The following CLIP2 variants were observed in gnomAD, a reference collection of about 807,000 sequenced individuals.
The protein encoded by CLIP2 is CAP-Gly domain containing linker protein 2, also known as CAP-Gly domain-containing linker protein 2.
CLIP2 carries 41 observed loss-of-function variants against 111.7 expected under a neutral mutation model. The ratio of observed to expected loss-of-function variants is 0.37; its 90% confidence interval spans 0.29 to 0.48. The LOEUF (loss-of-function observed/expected upper bound fraction) is 0.48. Ranked by LOEUF, CLIP2 falls within the 20% of genes least tolerant of loss-of-function variation. The pLI is 0.99. For missense variants in CLIP2, 1,160 were observed against 1,422.1 expected (o/e 0.82, Z 2.96); for synonymous variants, 660 against 644.2 (o/e 1.02, Z -0.37).
intron 5 of CLIP2, 89 bp from the exon 6 acceptor site, chr7:74,357,191 A>T: frequency 8.4e-7 from 1 of 1,184,644 alleles, no homozygotes; most frequent in Admixed American, 1.9e-5. Context: ...CCCACCTGCT[A>T]TGTTGCTGTA....
At chr7:74,398,052 T>G (rs1554317013) in intron 14 of CLIP2, among the ~76,000 whole-genome samples, 2 of 151,694 alleles carry the variant, frequency 1.3e-5, no homozygotes, top group African/African-American at 4.8e-5. Flanking sequence ...GCTGGTAGCA[T>G]AGCACAGGAC....
At chr7:74,330,500 G>A (rs1179347431) in intron 2 of CLIP2, among the ~76,000 whole-genome samples, 1 of 151,850 alleles carries the variant, frequency 6.6e-6, no homozygotes, top group Non-Finnish European at 1.5e-5. Flanking sequence ...CAGGTGATCC[G>A]CCTGCCTTGG....
At chr7:74,386,419 G>A in intron 11 of CLIP2, 102 bp from the exon 12 acceptor site, 6 of 886,222 alleles carry the variant, frequency 6.8e-6, no homozygotes, top group Non-Finnish European at 1.0e-5. Flanking sequence ...TGGAGGCCAA[G>A]TGTGACCCCG....
chr7:74,351,216 C>T (rs886377628), intron 3 of CLIP2, among the ~76,000 whole-genome samples: 1 of 151,806 alleles, frequency 6.6e-6, no homozygotes, highest in Admixed American at 6.6e-5. Flanking sequence ...GAGGCAAGCA[C>T]TTTGGGAGGC....
chr7:74,302,882 G>T (rs1554727044), intron 1 of CLIP2, among the ~76,000 whole-genome samples: 1 of 152,226 alleles, frequency 6.6e-6, no homozygotes, highest in Non-Finnish European at 1.5e-5. Flanking sequence ...AGGCCAATGG[G>T]TGCTCTCAGG....
At chr7:74,309,927 G>A (rs1788598728) in intron 1 of CLIP2, among the ~76,000 whole-genome samples, 1 of 151,316 alleles carries the variant, frequency 6.6e-6, no homozygotes, top group African/African-American at 2.4e-5. Flanking sequence ...GGCCAGGCAT[G>A]GTGGCTCATA....
intron 3 of CLIP2, among the ~76,000 whole-genome samples, chr7:74,343,093 C>T (rs1490654060): frequency 2.7e-5 from 4 of 150,790 alleles, no homozygotes; most frequent in African/African-American, 9.8e-5. Context: ...GAGGTTGAGG[C>T]AGGAGAATTG....
chr7:74,378,307 T>C (rs1411535082), intron 10 of CLIP2, among the ~76,000 whole-genome samples: 1 of 151,380 alleles, frequency 6.6e-6, no homozygotes, highest in African/African-American at 2.4e-5. Context: ...TTTATAGTTT[T>C]TGTAGAGATG....
chr7:74,301,544 G>A (rs1554726828), intron 1 of CLIP2, among the ~76,000 whole-genome samples: 4 of 125,862 alleles, frequency 3.2e-5, no homozygotes, highest in South Asian at 5.6e-4. Context: ...CACAATGCCC[G>A]GCTAATTTTT....
intron 11 of CLIP2, 23 bp from the exon 12 acceptor site, chr7:74,386,498 C>G (rs2116681896): frequency 6.2e-7 from 1 of 1,604,126 alleles, no homozygotes; most frequent in African/African-American, 1.3e-5. Flanking sequence ...ATTGATGCTT[C>G]TCGTCTCTCC....
At chr7:74,336,891 T>G (rs1281657645) in intron 2 of CLIP2, among the ~76,000 whole-genome samples, 19 of 1,018 alleles carry the variant, frequency 0.019, no homozygotes, top group African/African-American at 0.033. Flanking sequence ...TTTTGTTTTG[T>G]TTTTTTTTTT....
At position 74,357,560 on chromosome 7, in the gene CLIP2, G is replaced by C. The variant is rs1554308750; in HGVS notation, c.1215+83G>C. The C allele has an allele frequency of 3.1e-6, 4 of 1,299,204 alleles. No individual in the cohort carries two copies. In the Admixed American group the frequency reaches 6.0e-5, roughly 20 times the overall value. 80.5% of individuals were successfully genotyped at this position (1,299,204 alleles called of 1,614,324 possible). A position where few individuals can be genotyped will look rare whatever the true frequency, so the allele number is the denominator to read the frequency against. ...CCCACTCAGAGCGGAGACCCTGGAGGGGGTGGGTGCAGAGAAATATGAAGA... is the reference window on the plus strand; with the variant it reads ...CCCACTCAGAGCGGAGACCCTGGAGCGGGTGGGTGCAGAGAAATATGAAGA... On this transcript the variant is annotated intron_variant, in intron 6 of 16. Coordinates refer to ENST00000223398, the MANE Select transcript of CLIP2 (RefSeq NM_003388.5).
intron 10 of CLIP2, among the ~76,000 whole-genome samples, chr7:74,379,329 G>GAA (rs879972818): frequency 4.3e-4 from 56 of 130,072 alleles, no homozygotes; most frequent in African/African-American, 1.4e-3. Flanking sequence ...ACTCCGTCTG[G>GAA]AAAAAAAAAA....
At chr7:74,313,989 G>C (rs1554728821) in intron 1 of CLIP2, among the ~76,000 whole-genome samples, 1 of 151,804 alleles carries the variant, frequency 6.6e-6, no homozygotes, top group Non-Finnish European at 1.5e-5. Flanking sequence ...TTGAGACCAG[G>C]CTGGCCAAGA....
intron 3 of CLIP2, among the ~76,000 whole-genome samples, chr7:74,345,858 G>C (rs980118950): frequency 1.8e-4 from 28 of 151,396 alleles, no homozygotes; most frequent in African/African-American, 6.8e-4. Flanking sequence ...AAGAAAGCAA[G>C]AGAGAGAGAG....
intron 11 of CLIP2, among the ~76,000 whole-genome samples, chr7:74,382,807 C>G (rs1376559945): frequency 6.6e-6 from 1 of 151,528 alleles, no homozygotes; most frequent in Non-Finnish European, 1.5e-5. Flanking sequence ...TATGGTGGCT[C>G]ACACTTGTAA....
At chr7:74,318,586 G>A (rs1234950780) in intron 2 of CLIP2, among the ~76,000 whole-genome samples, 9 of 152,022 alleles carry the variant, frequency 5.9e-5, no homozygotes, top group Non-Finnish European at 8.8e-5. Flanking sequence ...GGTGGCGGGC[G>A]CCTATAGTCC....
At position 74,372,893 on chromosome 7, in the gene CLIP2, GCCCCCACC is replaced by G. The variant is rs782163358; in HGVS notation, c.1381-30_1381-23del. On this transcript the variant is annotated intron_variant, in intron 8 of 16. Coordinates refer to ENST00000223398, the MANE Select transcript of CLIP2 (RefSeq NM_003388.5). ...CCTGTGCCCCCCTCCCTGCGTCCCC[GCCCCCACC>G]CCCCCACCGTGTCCACCCTGGGTGG... 2.1e-4 allele frequency: 17 copies of G among 81,910 alleles called. No homozygotes were observed. The East Asian group carries it at 5.7e-3, about 27-fold the overall frequency. The allele number at this position is 81,910 out of a possible 1,614,324, so 5.1% of individuals were successfully genotyped here.
At chr7:74,384,145 G>A (rs10156159) in intron 11 of CLIP2, among the ~76,000 whole-genome samples, 3,905 of 152,114 alleles carry the variant, frequency 0.026, 165 homozygotes, top group African/African-American at 0.087. Flanking sequence ...AGCCAAGATC[G>A]CGCCACTGCA....
Sources: gnomAD v4.1 joint callset for allele counts (sites outside exome capture counted in the v4.1 genomes callset) on GRCh38, gnomAD v4.1.1 for gene constraint, MANE v1.5 for transcripts, NCBI Gene and HGNC (gene_info 2026-07-23, HGNC 2026-07-21) for gene names.